The following CLUL1 variants were observed in gnomAD, a reference collection of about 807,000 sequenced individuals.
CLUL1 encodes the protein clusterin like 1, also known as clusterin-like protein 1.
In CLUL1, 43 loss-of-function variants were observed where a neutral mutation model predicts 49.4. The ratio of observed to expected loss-of-function variants is 0.87; its 90% CI spans 0.68 to 1.12. CLUL1 has a LOEUF of 1.12. Ranked by LOEUF, CLUL1 falls within the 50% of genes most tolerant of loss-of-function variation. The probability of loss-of-function intolerance (pLI) is 0.00; values close to 1 mark genes in which losing one functional copy is unlikely to be tolerated. For synonymous variants in CLUL1, 192 were observed against 184.9 expected, an observed-to-expected ratio of 1.04 and a Z score of -0.31; for missense variants, 486 against 544.4, an observed-to-expected ratio of 0.89 and a Z score of 1.07.
At position 641,261 on chromosome 18, in the gene CLUL1, C is replaced by T. The variant is rs1000553394; in HGVS notation, c.995-66C>T. 26 of 1,359,856 alleles carry T rather than the reference C, an allele frequency of 1.9e-5. 1 individual carries two copies. Among genetic ancestry groups the T allele is most frequent in the Non-Finnish European group, 1.2e-5 (11 of 956,064 alleles). The allele number at this position is 1,359,856 out of a possible 1,614,324, so 84.2% of individuals were successfully genotyped here. Reference sequence around the variant, plus strand: ...GAGAATGTAAGGGCTGGGACTTAAGCCCATGTTGCCCACCTCCAAGTTTCA... The same window carrying T: ...GAGAATGTAAGGGCTGGGACTTAAGTCCATGTTGCCCACCTCCAAGTTTCA... On this transcript the variant is annotated intron_variant, in intron 7 of 9. Coordinates refer to ENST00000692774, the MANE Select transcript of CLUL1 (RefSeq NM_001393344.1).
chr18:630,231 C>T (rs1444485867), intron 6 of CLUL1, among the ~76,000 whole-genome samples: 4 of 152,130 alleles, frequency 2.6e-5, no homozygotes, highest in Non-Finnish European at 5.9e-5. Context: ...GCCTCAGCCT[C>T]CCGAGTAGCT....
chr18:645,233 G>A, intron 9 of CLUL1, 136 bp downstream of exon 9: 2 of 570,690 alleles, frequency 3.5e-6, no homozygotes, highest in Non-Finnish European at 5.6e-6. Context: ...CAAACAAGAT[G>A]GCATTTTCTG....
chr18:624,014 A>G (rs2073593314), intron 4 of CLUL1, among the ~76,000 whole-genome samples: 1 of 152,200 alleles, frequency 6.6e-6, no homozygotes, highest in African/African-American at 2.4e-5. Context: ...TGGGGTTCAG[A>G]AGTCCACACT....
intron 8 of CLUL1, among the ~76,000 whole-genome samples, chr18:644,284 T>C (rs898407927): frequency 1.3e-5 from 2 of 152,218 alleles, no homozygotes; most frequent in Admixed American, 1.3e-4. Context: ...ATGATTCAAA[T>C]CAAAGTCTGT....
chr18:646,335 C>CT lies in CLUL1; in HGVS notation c.1397+1249dup, dbSNP rs796695810. Among the ~76,000 whole-genome samples the CT allele has an allele frequency of 2.9e-3, 421 of 144,914 alleles. 2 individuals are homozygous for CT. The highest frequency in any genetic ancestry group is 9.0e-3 in the African/African-American group (358 of 39,650). On this transcript the variant is annotated intron_variant, in intron 9 of 9. Coordinates refer to ENST00000692774, the MANE Select transcript of CLUL1 (RefSeq NM_001393344.1). ...CCCTTTACTTCTGAATTTTGGAGGC[C>CT]TTTTTTTTTTTCTAGTTGTATCAGT...
At chr18:614,138 G>T (rs1477414878) in intron 2 of CLUL1, among the ~76,000 whole-genome samples, 1 of 152,162 alleles carries the variant, frequency 6.6e-6, no homozygotes, top group African/African-American at 2.4e-5. Context: ...TATGTCCATC[G>T]GTCCTTTCCA....
intron 6 of CLUL1, among the ~76,000 whole-genome samples, chr18:629,474 A>G (rs1333253092): frequency 6.6e-6 from 1 of 152,196 alleles, no homozygotes; most frequent in African/African-American, 2.4e-5. Context: ...TGATTCAGAC[A>G]TGCCACAATC....
At chr18:639,901 G>C (rs904547426) in intron 7 of CLUL1, among the ~76,000 whole-genome samples, 1 of 152,166 alleles carries the variant, frequency 6.6e-6, no homozygotes, top group African/African-American at 2.4e-5. Flanking sequence ...GTATAAGAGA[G>C]ACTGGAGTGC....
chr18:632,351 T>C (rs1487400857), intron 6 of CLUL1, among the ~76,000 whole-genome samples: 6 of 151,872 alleles, frequency 4.0e-5, no homozygotes, highest in Non-Finnish European at 8.8e-5. Context: ...TGTGTGTGTG[T>C]GTGTATATAT....
chr18:613,129 A>G lies in CLUL1; in HGVS notation c.-13-4859A>G, dbSNP rs756112107. The stretch of plus-strand genomic sequence containing the variant: ...TTGCTACTTATGTTATATGAAACTA[A>G]AACAATTATTTTATTGTATTTTTTT... On this transcript the variant is annotated intron_variant, in intron 2 of 9. Transcript: ENST00000692774. 3.3e-5 allele frequency: 12 copies of G among 362,758 alleles called. No homozygotes were observed. The South Asian group carries it at 4.6e-4, about 14-fold the overall frequency. 22.5% of individuals were successfully genotyped at this position (362,758 alleles called of 1,614,324 possible). A position where few individuals can be genotyped will look rare whatever the true frequency, so the allele number is the denominator to read the frequency against.
At chr18:609,316 C>G (rs1386001497) in intron 2 of CLUL1, among the ~76,000 whole-genome samples, 1 of 152,176 alleles carries the variant, frequency 6.6e-6, no homozygotes, top group African/African-American at 2.4e-5. Context: ...CAATCATTTT[C>G]TTACACTTAT....
chr18:641,374 A>C lies in CLUL1; in HGVS notation c.1042A>C (p.Arg348=). The change falls in exon 8 of 10, where the codon AGG becomes CGG. Residue 348 remains arginine (R), a synonymous_variant. Coordinates refer to ENST00000692774, the MANE Select transcript of CLUL1 (RefSeq NM_001393344.1). ...GCACACAGAATTAGACGAGGCGATC[A>C]GGTTGGTCAATGTATCCAATCAGCA... is the stretch of plus-strand genomic sequence containing the variant. ...ALHTELDEAI[R]LVNVSNQQYG... is the part of the protein sequence containing the mutation. 1.2e-6 allele frequency: 2 copies of C among 1,614,200 alleles called. No individual in the cohort carries two copies. Among genetic ancestry groups the C allele is most frequent in the Non-Finnish European group, 1.7e-6 (2 of 1,180,034 alleles).
chr18:628,392 C>G (rs536995090), intron 6 of CLUL1, among the ~76,000 whole-genome samples: 21 of 152,328 alleles, frequency 1.4e-4, no homozygotes, highest in South Asian at 6.2e-4. Context: ...CAACACTAAT[C>G]ATGCCTCATG....
intron 2 of CLUL1, among the ~76,000 whole-genome samples, chr18:613,984 C>T (rs1360037260): frequency 6.6e-6 from 1 of 152,182 alleles, no homozygotes; most frequent in African/African-American, 2.4e-5. Context: ...CACAGAACTT[C>T]AGAGCTGGGA....
At chr18:631,959 C>T (rs2074004353) in intron 6 of CLUL1, among the ~76,000 whole-genome samples, 1 of 152,192 alleles carries the variant, frequency 6.6e-6, no homozygotes, top group Non-Finnish European at 1.5e-5. Flanking sequence ...TTTCTGGTCA[C>T]CAAAGGGGAT....
At position 597,039 on chromosome 18, in the gene CLUL1, G is replaced by T. The variant is rs544115237; in HGVS notation, c.-226G>T. ...CGCGGGGTTGGTTTCCACCCTGGAG[G>T]TTGCTGACACCCTGTGCCCTCGGCT... On this transcript the variant is annotated 5_prime_UTR_variant, in exon 1 of 10. Coordinates refer to ENST00000692774, the MANE Select transcript of CLUL1 (RefSeq NM_001393344.1). 1.3e-5 allele frequency: 2 copies of T among 152,872 alleles called. No homozygotes were observed. The highest frequency in any genetic ancestry group is 1.3e-4 in the Admixed American group (2 of 15,308). The allele number at this position is 152,872 out of a possible 1,614,324, so 9.5% of individuals were successfully genotyped here.
intron 7 of CLUL1, among the ~76,000 whole-genome samples, chr18:634,253 C>T (rs904733326): frequency 9.9e-5 from 15 of 152,110 alleles, no homozygotes; most frequent in African/African-American, 3.6e-4. Flanking sequence ...CCTCAGCCTG[C>T]CAAGTAGCTG....
chr18:599,323 A>G (rs1385366266), intron 1 of CLUL1, among the ~76,000 whole-genome samples: 2 of 152,212 alleles, frequency 1.3e-5, no homozygotes, highest in African/African-American at 2.4e-5. Flanking sequence ...CTTAACCTCT[A>G]TGATCCTTAT....
At chr18:628,193 C>T (rs546487739) in intron 6 of CLUL1, among the ~76,000 whole-genome samples, 4 of 152,232 alleles carry the variant, frequency 2.6e-5, no homozygotes, top group Non-Finnish European at 5.9e-5. Flanking sequence ...CAGAGAGCTT[C>T]TTTAAAATTG....
Sources: gnomAD v4.1 joint callset for allele counts (sites outside exome capture counted in the v4.1 genomes callset) on GRCh38, gnomAD v4.1.1 for gene constraint, MANE v1.5 for transcripts, NCBI Gene and HGNC (gene_info 2026-07-23, HGNC 2026-07-21) for gene names.